The following RWDD4 variants were observed in gnomAD, a reference collection of about 807,000 sequenced individuals.
The protein encoded by RWDD4 is RWD domain-containing protein 4.
A neutral mutation model predicts 30.0 loss-of-function variants in RWDD4; 16 were observed. The observed-to-expected ratio is 0.53, with a 90% CI of 0.36 to 0.81. The LOEUF is 0.81. Ranked by LOEUF, RWDD4 falls within the 30% of genes least tolerant of loss-of-function variation. RWDD4 has a pLI of 0.00. For synonymous variants in RWDD4, 45 were observed against 72.1 expected, an observed-to-expected ratio of 0.62 and a Z score of 1.90; for missense variants, 170 against 223.9, an observed-to-expected ratio of 0.76 and a Z score of 1.54.
At chr4:183,646,247 T>C in intron 7 of RWDD4, 104 bp downstream of exon 7, 1 of 714,946 alleles carries the variant, frequency 1.4e-6, no homozygotes. Flanking sequence ...TACTATATTG[T>C]AGTTTTAACT....
rs965890566 is a variant in RWDD4, at chr4:183,642,492, A to G, written c.535-1024T>C. Among the ~76,000 whole-genome samples the G allele has an allele frequency of 2.6e-5, 4 of 151,988 alleles. No individual in the cohort carries two copies. In the South Asian group the frequency reaches 8.3e-4, roughly 32 times the overall value. On this transcript the variant is annotated intron_variant, in intron 7 of 7. Coordinates refer to ENST00000326397, the MANE Select transcript of RWDD4 (RefSeq NM_152682.4). ...GCGTGAGCCACCACGCCCCACCCCA[A>G]ATCTCTTTATTATCTAGCTCAGTGG...
At chr4:183,645,873 C>T (rs1733956495) in intron 7 of RWDD4, among the ~76,000 whole-genome samples, 1 of 152,164 alleles carries the variant, frequency 6.6e-6, no homozygotes, top group African/African-American at 2.4e-5. Flanking sequence ...AACTTGGAGT[C>T]ATATTTAAGA....
chr4:183,642,995 A>C (rs990461865), intron 7 of RWDD4, among the ~76,000 whole-genome samples: 2 of 150,466 alleles, frequency 1.3e-5, no homozygotes, highest in East Asian at 2.0e-4. Flanking sequence ...GGAGGCGGAG[A>C]TTGCAGTGAG....
chr4:183,642,285 G>A (rs1258756508), intron 7 of RWDD4, among the ~76,000 whole-genome samples: 3 of 101,972 alleles, frequency 2.9e-5, no homozygotes, highest in African/African-American at 5.3e-5. Context: ...CGCCTCCCGG[G>A]TTCACGCCAT....
chr4:183,642,185 A>ATTTTTTT (rs1009902870), intron 7 of RWDD4, among the ~76,000 whole-genome samples: 1 of 97,154 alleles, frequency 1.0e-5, no homozygotes, highest in East Asian at 2.8e-4. Context: ...CATTCTTAAA[A>ATTTTTTT]TTTTTTTTTT....
At chr4:183,658,338 C>G (rs181221640) in intron 1 of RWDD4, among the ~76,000 whole-genome samples, 3 of 152,144 alleles carry the variant, frequency 2.0e-5, no homozygotes, top group Non-Finnish European at 2.9e-5. Context: ...GTAGCACCCA[C>G]CCCCCAACTC....
intron 5 of RWDD4, among the ~76,000 whole-genome samples, 176 bp from the exon 6 acceptor site, chr4:183,646,713 C>T (rs770552980): frequency 6.6e-6 from 1 of 152,086 alleles, no homozygotes; most frequent in Non-Finnish European, 1.5e-5. Flanking sequence ...GGAATACTTG[C>T]AAAATATTTT....
rs142046482 is a variant in RWDD4 at position 183,650,491 on chromosome 4, C to T, written c.363+493G>A. Among the ~76,000 whole-genome samples the T allele has an allele frequency of 7.2e-5, 11 of 152,250 alleles. No individual in the cohort carries two copies. In the East Asian group the frequency reaches 2.1e-3, roughly 29 times the overall value. ...GGCCTCATACACAGATGCTTAACGT[C>T]ATGAAAGAAATATTTCCTAAAACTA... is the stretch of plus-strand genomic sequence containing the variant. On this transcript the variant is annotated intron_variant, in intron 4 of 7. Coordinates refer to ENST00000326397, the MANE Select transcript of RWDD4 (RefSeq NM_152682.4).
intron 2 of RWDD4, among the ~76,000 whole-genome samples, chr4:183,655,072 C>G (rs1734158745): frequency 6.6e-6 from 1 of 151,896 alleles, no homozygotes; most frequent in African/African-American, 2.4e-5. Context: ...TCCCAAGTAG[C>G]TGGGACTACA....
Position 183,659,036 on chromosome 4 carries a change from GT to G in RWDD4, c.-85del, listed in dbSNP as rs1734303763. On this transcript the variant is annotated 5_prime_UTR_variant, in exon 1 of 8. Coordinates refer to ENST00000326397, the MANE Select transcript of RWDD4 (RefSeq NM_152682.4). Reference sequence around the variant, plus strand: ...GAAGGCAGCGGCCCAGAGGCCGGGCGTCCCCCTTTCGCGCCTCGGCTGTGGG... The same window carrying G: ...GAAGGCAGCGGCCCAGAGGCCGGGCGCCCCCTTTCGCGCCTCGGCTGTGGG... 3.7e-6 allele frequency: 4 copies of G among 1,091,494 alleles called. No homozygotes were observed. The highest frequency in any genetic ancestry group is 4.7e-6 in the Non-Finnish European group (4 of 858,466). The allele number at this position is 1,091,494 out of a possible 1,614,324, so 67.6% of individuals were successfully genotyped here.
intron 2 of RWDD4, among the ~76,000 whole-genome samples, chr4:183,655,098 G>T (rs1734159570): frequency 2.0e-5 from 3 of 151,672 alleles, no homozygotes; most frequent in Non-Finnish European, 4.4e-5. Flanking sequence ...GCACCATCAT[G>T]CGTGGCTAAT....
At chr4:183,652,733 C>A (rs1219819083) in intron 2 of RWDD4, among the ~76,000 whole-genome samples, 1 of 151,336 alleles carries the variant, frequency 6.6e-6, no homozygotes, top group African/African-American at 2.4e-5. Flanking sequence ...TCGCTTGAAT[C>A]TGGTAGGCAG....
intron 1 of RWDD4, among the ~76,000 whole-genome samples, chr4:183,656,914 T>C (rs1561015184): frequency 6.6e-6 from 1 of 152,130 alleles, no homozygotes; most frequent in Non-Finnish European, 1.5e-5. Context: ...TAGTCCCAGC[T>C]ACTCAGGAGG....
At chr4:183,649,022 T>G (rs745542265) in intron 5 of RWDD4, among the ~76,000 whole-genome samples, 10 of 152,018 alleles carry the variant, frequency 6.6e-5, no homozygotes, top group Admixed American at 1.3e-4. Flanking sequence ...GACCCAAAAG[T>G]TCACTGGCCC....
At chr4:183,654,955 T>G (rs554113498) in intron 2 of RWDD4, among the ~76,000 whole-genome samples, 13 of 151,080 alleles carry the variant, frequency 8.6e-5, no homozygotes, top group Non-Finnish European at 1.2e-4. Context: ...TTTTTTTTGT[T>G]TTTTTTTTTG....
intron 1 of RWDD4, among the ~76,000 whole-genome samples, chr4:183,657,192 C>T (rs571824095): frequency 6.6e-6 from 1 of 151,988 alleles, no homozygotes; most frequent in Non-Finnish European, 1.5e-5. Context: ...CATAAAACAC[C>T]GACTATATAG....
Position 183,639,853 on chromosome 4 carries a change from T to C in RWDD4, c.*1583A>G, listed in dbSNP as rs976024040. ...ATATAAAAAGAGTAAAAATAGTTCATTGGCATGTAACTAGCATCATTCTCT... is the reference window on the plus strand; with the variant it reads ...ATATAAAAAGAGTAAAAATAGTTCACTGGCATGTAACTAGCATCATTCTCT... On this transcript the variant is annotated 3_prime_UTR_variant, in exon 8 of 8. Coordinates refer to ENST00000326397, the MANE Select transcript of RWDD4 (RefSeq NM_152682.4). 2.0e-5 allele frequency: 3 copies of C among 152,448 alleles called. No homozygotes were observed. The highest frequency in any genetic ancestry group is 4.4e-5 in the Non-Finnish European group (3 of 68,010). The allele number at this position is 152,448 out of a possible 1,614,324, so 9.4% of individuals were successfully genotyped here.
intron 2 of RWDD4, among the ~76,000 whole-genome samples, chr4:183,652,952 G>A (rs34528387): frequency 0.065 from 9,902 of 152,178 alleles, 429 homozygotes; most frequent in Middle Eastern, 0.13. Context: ...TCGAACTCCT[G>A]AGCTCAAGTG....
Position 183,653,914 on chromosome 4 carries a change from T to C in RWDD4, c.105+1967A>G, listed in dbSNP as rs530029695. Among the ~76,000 whole-genome samples, 19 of 152,278 alleles carry C rather than the reference T, an allele frequency of 1.2e-4. No homozygotes were observed. The South Asian group carries it at 3.9e-3, about 32-fold the overall frequency. On this transcript the variant is annotated intron_variant, in intron 2 of 7. Coordinates refer to ENST00000326397, the MANE Select transcript of RWDD4 (RefSeq NM_152682.4). ...ACTTACAAAACTGCAATATGAATAA[T>C]AGTTCAAAAGTAACAAAACAAAGTA...
Sources: allele counts gnomAD v4.1 joint callset (sites outside exome capture counted in the v4.1 genomes callset), GRCh38; gene constraint gnomAD v4.1.1; transcripts MANE v1.5; gene names NCBI Gene and HGNC (gene_info 2026-07-23, HGNC 2026-07-21).